The following RASAL2 variants were observed in gnomAD, a reference collection of about 807,000 sequenced individuals.
RASAL2 encodes the protein ras GTPase-activating protein nGAP.
A neutral mutation model predicts 128.9 loss-of-function variants in RASAL2; 58 were observed. The observed-to-expected ratio is 0.45, with a 90% confidence interval of 0.36 to 0.56. RASAL2 has a LOEUF of 0.56. Among genes scored for constraint, RASAL2 ranks in the 20% least tolerant of loss-of-function variants. The probability of loss-of-function intolerance (pLI) is 0.00; values close to 1 mark genes in which losing one functional copy is unlikely to be tolerated. For synonymous variants in RASAL2, 561 were observed against 580.8 expected (o/e 0.97, Z 0.49); for missense variants, 1,360 against 1,601.6 (o/e 0.85, Z 2.57).
intron 1 of RASAL2, among the ~76,000 whole-genome samples, chr1:178,213,919 C>A (rs1455627899): frequency 1.3e-5 from 2 of 151,492 alleles, no homozygotes; most frequent in African/African-American, 4.8e-5. Flanking sequence ...AAACACAAAC[C>A]CTGAAAAGAA....
rs1210640796 is a variant in RASAL2 at position 178,283,574 on chromosome 1, A to G, written c.213A>G (p.Gly71=). 3 of 1,612,888 alleles carry G rather than the reference A, an allele frequency of 1.9e-6. No homozygotes were observed. The African/African-American group carries it at 4.0e-5, about 22-fold the overall frequency. Residue 71 remains glycine (G), a synonymous_variant, in exon 2 of 18, where the codon GGA becomes GGG. Coordinates refer to ENST00000367649, the MANE Select transcript of RASAL2 (RefSeq NM_170692.4). ...QSWVRVYDVK[G]PPTHRLSCGQ... is the part of the protein sequence containing the mutation. ...CCTTTTCTCATGCAGATGTGAAAGG[A>G]CCACCCACCCACCGTCTGTCTTGTG...
intron 1 of RASAL2, among the ~76,000 whole-genome samples, chr1:178,270,023 G>T (rs918002208): frequency 6.6e-6 from 1 of 152,062 alleles, no homozygotes; most frequent in African/African-American, 2.4e-5. Flanking sequence ...CTCACACTTG[G>T]TTGTTAGTTT....
chr1:178,444,865 A>G (rs1291546880), intron 8 of RASAL2, among the ~76,000 whole-genome samples: 1 of 152,198 alleles, frequency 6.6e-6, no homozygotes. Flanking sequence ...GGTAAACAAA[A>G]ACAGAAACTG....
intron 1 of RASAL2, among the ~76,000 whole-genome samples, chr1:178,137,575 T>C (rs77023285): frequency 0.056 from 8,590 of 152,230 alleles, 284 homozygotes; most frequent in South Asian, 0.084. Flanking sequence ...TTGCCTATGC[T>C]TCTGTCATCT....
At chr1:178,269,640 A>G (rs1666151608) in intron 1 of RASAL2, among the ~76,000 whole-genome samples, 1 of 152,124 alleles carries the variant, frequency 6.6e-6, no homozygotes, top group Non-Finnish European at 1.5e-5. Context: ...CTACACTCCC[A>G]CCAGCGCCAT....
chr1:178,374,871 A>G (rs1287603635), intron 3 of RASAL2, among the ~76,000 whole-genome samples: 2 of 152,152 alleles, frequency 1.3e-5, no homozygotes, highest in Admixed American at 1.3e-4. Context: ...TTTCTTATAA[A>G]TAAATGCAAT....
intron 1 of RASAL2, among the ~76,000 whole-genome samples, chr1:178,165,176 C>T (rs900494887): frequency 6.6e-6 from 1 of 151,692 alleles, no homozygotes; most frequent in Admixed American, 6.6e-5. Context: ...TAAAACTGTA[C>T]GTGCAGGTGT....
At chr1:178,430,946 C>CA (rs1414829123) in intron 5 of RASAL2, among the ~76,000 whole-genome samples, 3 of 137,726 alleles carry the variant, frequency 2.2e-5, no homozygotes, top group African/African-American at 9.4e-5. Flanking sequence ...ACACACACAC[C>CA]CCTCTTATAC....
chr1:178,282,081 T>C (rs963539340), intron 1 of RASAL2, among the ~76,000 whole-genome samples: 5 of 151,940 alleles, frequency 3.3e-5, no homozygotes, highest in African/African-American at 1.2e-4. Context: ...TTGGAGATGC[T>C]ACAGATGTAG....
intron 1 of RASAL2, among the ~76,000 whole-genome samples, chr1:178,212,157 G>A (rs962627403): frequency 6.6e-6 from 1 of 152,146 alleles, no homozygotes; most frequent in African/African-American, 2.4e-5. Context: ...AATGTCTAAA[G>A]TGAAAGTGAC....
chr1:178,408,343 C>T (rs1674120316), intron 4 of RASAL2, among the ~76,000 whole-genome samples: 1 of 152,122 alleles, frequency 6.6e-6, no homozygotes, highest in South Asian at 2.1e-4. Flanking sequence ...TTTTATAAGG[C>T]ATGGATATCA....
At chr1:178,466,814 G>A (rs1647752875) in intron 16 of RASAL2, among the ~76,000 whole-genome samples, 1 of 152,156 alleles carries the variant, frequency 6.6e-6, no homozygotes, top group Non-Finnish European at 1.5e-5. Context: ...AAACAGAACT[G>A]TTTGTTGTTT....
At chr1:178,144,582 C>A (rs545715981) in intron 1 of RASAL2, among the ~76,000 whole-genome samples, 3 of 152,132 alleles carry the variant, frequency 2.0e-5, no homozygotes, top group African/African-American at 7.2e-5. Flanking sequence ...TTAATATTTG[C>A]TTTTTTGACT....
chr1:178,370,161 GAACAA>G (rs1289796498), intron 3 of RASAL2, among the ~76,000 whole-genome samples: 1 of 152,178 alleles, frequency 6.6e-6, no homozygotes, highest in Non-Finnish European at 1.5e-5. Flanking sequence ...CTATACAAAT[GAACAA>G]AACAAATGAC....
intron 6 of RASAL2, among the ~76,000 whole-genome samples, chr1:178,439,791 C>G (rs1456180551): frequency 6.6e-6 from 1 of 152,064 alleles, no homozygotes; most frequent in Admixed American, 6.6e-5. Context: ...TTCCTTTTGG[C>G]TTTGCCTCCT....
rs914979004 is a variant in RASAL2, at chr1:178,474,020, A to G, written c.*781A>G. On this transcript the variant is annotated 3_prime_UTR_variant, in exon 18 of 18. Coordinates refer to ENST00000367649, the MANE Select transcript of RASAL2 (RefSeq NM_170692.4). ...CTTTTTGTTTTTAACCCCAATTGTA[A>G]TAAAGGGTGTTCTTTTTCCTCTTTA... 6.6e-6 allele frequency: 1 copy of G among 152,410 alleles called. No homozygotes were observed. Among genetic ancestry groups the G allele is most frequent in the Non-Finnish European group, 1.5e-5 (1 of 68,038 alleles). The allele number at this position is 152,410 out of a possible 1,614,324, so 9.4% of individuals were successfully genotyped here. A position where few individuals can be genotyped will look rare whatever the true frequency, so the allele number is the denominator to read the frequency against.
Position 178,442,764 on chromosome 1 carries a change from G to C in RASAL2, c.1017G>C (p.Leu339=), listed in dbSNP as rs376589945. The C allele has an allele frequency of 1.9e-6, 3 of 1,613,880 alleles. No homozygotes were observed. Among genetic ancestry groups the C allele is most frequent in the East Asian group, 4.5e-5 (2 of 44,874 alleles). The change falls in exon 8 of 18, where the codon CTG becomes CTC. Residue 339 remains leucine, a synonymous_variant. Transcript: ENST00000367649. ...LAPKKKYFCE[L]CLDDTLFART... ...CTAAAAAGAAATATTTCTGCGAACT[G>C]TGCCTTGATGATACCCTCTTTGCTC...
intron 4 of RASAL2, among the ~76,000 whole-genome samples, chr1:178,410,629 AG>A (rs1674301318): frequency 6.6e-6 from 1 of 152,176 alleles, no homozygotes; most frequent in African/African-American, 2.4e-5. Flanking sequence ...CATCTGCCAA[AG>A]GACTAATATC....
chr1:178,279,910 A>G (rs1666705831), intron 1 of RASAL2, among the ~76,000 whole-genome samples: 1 of 152,164 alleles, frequency 6.6e-6, no homozygotes, highest in Non-Finnish European at 1.5e-5. Flanking sequence ...ATATAATGAA[A>G]GGTGTCAATA....
Sources: gnomAD v4.1 joint callset for allele counts (sites outside exome capture counted in the v4.1 genomes callset) on GRCh38, gnomAD v4.1.1 for gene constraint, MANE v1.5 for transcripts, NCBI Gene and HGNC (gene_info 2026-07-23, HGNC 2026-07-21) for gene names.